Variants in GPC5 observed in about 807,000 individuals in gnomAD.
The protein encoded by GPC5 is glypican 5, also known as glypican-5.
GPC5 carries 47 observed loss-of-function variants against 53.9 expected under a neutral mutation model. The ratio of observed to expected loss-of-function variants is 0.87; its 90% confidence interval spans 0.69 to 1.11. GPC5 has a LOEUF of 1.11. GPC5 is among the 50% of genes most tolerant of loss of function. The pLI is 0.00. For missense variants in GPC5, 748 were observed against 713.1 expected (o/e 1.05, Z -0.56); for synonymous variants, 286 against 263.3 (o/e 1.09, Z -0.84).
At chr13:92,680,985 G>C (rs1193012380) in intron 7 of GPC5, among the ~76,000 whole-genome samples, 2 of 151,752 alleles carry the variant, frequency 1.3e-5, no homozygotes, top group South Asian at 4.2e-4. Context: ...CCTCCAAACT[G>C]GTCAGCATCC....
chr13:91,550,560 A>G (rs1031967557), intron 2 of GPC5, among the ~76,000 whole-genome samples: 2 of 152,172 alleles, frequency 1.3e-5, no homozygotes, highest in Non-Finnish European at 2.9e-5. Flanking sequence ...ACATTTACTC[A>G]TTAATTGTTG....
intron 7 of GPC5, among the ~76,000 whole-genome samples, chr13:92,553,325 C>T (rs1882385501): frequency 6.6e-6 from 1 of 151,920 alleles, no homozygotes; most frequent in East Asian, 1.9e-4. Flanking sequence ...ATTGCCTATG[C>T]CATTATTGTA....
rs556223969 is a variant in GPC5, at chr13:92,545,968, C to T, written c.1562-320314C>T. On this transcript the variant is annotated intron_variant, in intron 7 of 7. Transcript: ENST00000377067. The stretch of plus-strand genomic sequence containing the variant: ...TTTTGGCTTTTGTTGCCATTGCTTT[C>T]GGTGTTTTAGACATGAAGTCCTTAC... Among the ~76,000 whole-genome samples, 290 of 152,108 alleles carry T rather than the reference C, an allele frequency of 1.9e-3. 1 individual carries two copies. The highest frequency in any genetic ancestry group is 5.8e-3 in the South Asian group (28 of 4,828).
chr13:92,748,309 ATT>A (rs1340655374), intron 7 of GPC5, among the ~76,000 whole-genome samples: 3 of 117,932 alleles, frequency 2.5e-5, no homozygotes, highest in South Asian at 6.8e-4. Context: ...TCTGCATTTT[ATT>A]TTATTATTAT....
chr13:92,156,592 A>G (rs9589442), intron 7 of GPC5, among the ~76,000 whole-genome samples: 20,803 of 152,138 alleles, frequency 0.14, 1,677 homozygotes, highest in Admixed American at 0.18. Context: ...GGCAAAAACC[A>G]TAATTACTTT....
At chr13:92,595,724 C>T (rs1020449447) in intron 7 of GPC5, among the ~76,000 whole-genome samples, 8 of 143,592 alleles carry the variant, frequency 5.6e-5, no homozygotes, top group African/African-American at 2.1e-4. Context: ...GCAGAGATCG[C>T]GCCACTGCAC....
intron 7 of GPC5, among the ~76,000 whole-genome samples, chr13:92,357,873 A>AC (rs2043535311): frequency 7.4e-6 from 1 of 134,700 alleles, no homozygotes; most frequent in African/African-American, 3.0e-5. Context: ...GACATGAGAT[A>AC]TGGGGGGGGA....
intron 6 of GPC5, among the ~76,000 whole-genome samples, chr13:91,958,925 A>G (rs976329075): frequency 6.6e-5 from 10 of 151,972 alleles, no homozygotes; most frequent in Non-Finnish European, 1.0e-4. Flanking sequence ...CATCAGAAAA[A>G]CCAGTAAGAT....
At chr13:92,775,119 C>G (rs1219167596) in intron 7 of GPC5, among the ~76,000 whole-genome samples, 2 of 152,138 alleles carry the variant, frequency 1.3e-5, no homozygotes, top group South Asian at 2.1e-4. Flanking sequence ...AAATATCATT[C>G]ATTTATGGTC....
At chr13:92,045,529 AC>A (rs557417716) in intron 6 of GPC5, among the ~76,000 whole-genome samples, 39 of 151,764 alleles carry the variant, frequency 2.6e-4, no homozygotes, top group Non-Finnish European at 4.9e-4. Context: ...CATCACCACC[AC>A]CCCCGTCATG....
intron 7 of GPC5, among the ~76,000 whole-genome samples, chr13:92,169,484 A>G (rs1358970551): frequency 6.6e-6 from 1 of 152,240 alleles, no homozygotes; most frequent in Non-Finnish European, 1.5e-5. Context: ...TTTATTTCAA[A>G]GACAGTGTTA....
intron 7 of GPC5, among the ~76,000 whole-genome samples, chr13:92,500,775 T>C (rs1440012191): frequency 6.6e-6 from 1 of 152,156 alleles, no homozygotes; most frequent in Non-Finnish European, 1.5e-5. Flanking sequence ...GTTTTTACTT[T>C]ATTTTTGTCC....
chr13:91,697,619 C>G (rs374311380), intron 3 of GPC5, among the ~76,000 whole-genome samples: 1 of 151,858 alleles, frequency 6.6e-6, no homozygotes, highest in African/African-American at 2.4e-5. Flanking sequence ...TTAATATTAA[C>G]GGATTAATAT....
chr13:92,403,444 C>T (rs1431994914), intron 7 of GPC5, among the ~76,000 whole-genome samples: 3 of 152,184 alleles, frequency 2.0e-5, no homozygotes, highest in South Asian at 2.1e-4. Flanking sequence ...TGAGCTCCGC[C>T]TCCTGTCAGA....
chr13:91,615,488 G>A (rs2033671085), intron 2 of GPC5, among the ~76,000 whole-genome samples: 1 of 152,138 alleles, frequency 6.6e-6, no homozygotes, highest in African/African-American at 2.4e-5. Context: ...TATTTTGCAT[G>A]ACCATATGAG....
chr13:92,126,988 C>G (rs1325269035), intron 6 of GPC5, among the ~76,000 whole-genome samples: 1 of 152,058 alleles, frequency 6.6e-6, no homozygotes, highest in East Asian at 1.9e-4. Flanking sequence ...TGCTTTTCCA[C>G]TCAACCCTTA....
chr13:92,844,168 CGTT>C (rs1395181620), intron 7 of GPC5, among the ~76,000 whole-genome samples: 2 of 151,786 alleles, frequency 1.3e-5, no homozygotes, highest in African/African-American at 4.8e-5. Flanking sequence ...TATTTAAGAA[CGTT>C]GTTTTTAACA....
chr13:91,746,320 T>C (rs993795437), intron 4 of GPC5, among the ~76,000 whole-genome samples: 12 of 152,156 alleles, frequency 7.9e-5, no homozygotes, highest in African/African-American at 2.7e-4. Context: ...CTGTATTATG[T>C]GTGGACTGAC....
rs868095295 is a variant in GPC5 at position 92,740,896 on chromosome 13, T to A, written c.1562-125386T>A. Among the ~76,000 whole-genome samples, 286 of 134,898 alleles carry A rather than the reference T, an allele frequency of 2.1e-3. 2 individuals carry two copies. Among genetic ancestry groups the A allele is most frequent in the Middle Eastern group, 0.017 (4 of 240 alleles). The allele number at this position is 134,898 out of a possible 152,430, so 88.5% of individuals were successfully genotyped here. A position where few individuals can be genotyped will look rare whatever the true frequency, so the allele number is the denominator to read the frequency against. On this transcript the variant is annotated intron_variant, in intron 7 of 7. Transcript: ENST00000377067. ...TATGTATGTATGTATATTTATTTAT[T>A]TATATATATATATATATATATATGT...
Sources: gnomAD v4.1 joint callset for allele counts (sites outside exome capture counted in the v4.1 genomes callset) on GRCh38, gnomAD v4.1.1 for gene constraint, MANE v1.5 for transcripts, NCBI Gene and HGNC (gene_info 2026-07-23, HGNC 2026-07-21) for gene names.